CLMP: variants seen among roughly 807,000 people sequenced by gnomAD.
CLMP encodes CXADR-like membrane protein.
Under a neutral mutation model 45.2 loss-of-function variants are expected in CLMP, and 27 were observed. The ratio of observed to expected loss-of-function variants is 0.60; its 90% confidence interval spans 0.44 to 0.82. The LOEUF is 0.82. CLMP is among the 40% of genes least tolerant of loss of function. The probability of loss-of-function intolerance (pLI) is 0.00; values close to 1 mark genes in which losing one functional copy is unlikely to be tolerated. For synonymous variants in CLMP, 167 were observed against 171.4 expected (o/e 0.97, Z 0.20); for missense variants, 403 against 448.4 (o/e 0.90, Z 0.91).
At chr11:123,169,428 C>T (rs1460736580) in intron 1 of CLMP, among the ~76,000 whole-genome samples, 2 of 152,154 alleles carry the variant, frequency 1.3e-5, no homozygotes, top group African/African-American at 2.4e-5. Context: ...TCACCGTGGG[C>T]TCCAGGAGAA....
intron 1 of CLMP, among the ~76,000 whole-genome samples, chr11:123,150,536 C>CGGG (rs1861317884): frequency 2.7e-4 from 15 of 55,788 alleles, no homozygotes; most frequent in African/African-American, 1.1e-3. Flanking sequence ...AGGAAAGAAA[C>CGGG]AAGCAAGGAA....
intron 1 of CLMP, among the ~76,000 whole-genome samples, chr11:123,143,380 A>G (rs193109260): frequency 3.3e-5 from 5 of 152,304 alleles, no homozygotes; most frequent in Admixed American, 3.3e-4. Flanking sequence ...TGAGCTTTCA[A>G]CCAATAGAAT....
rs529877848 is a variant in CLMP, at chr11:123,074,691, G to C, written c.821+11C>G. The C allele has an allele frequency of 4.3e-6, 7 of 1,613,452 alleles. No homozygotes were observed. The highest frequency in any genetic ancestry group is 3.3e-5 in the South Asian group (3 of 91,064). ...AGAAGCCCCGTAAAAGTAGGGATGT[G>C]GGAGGTTTACCGAATTTCATTAGGT... On this transcript the variant is annotated intron_variant, in intron 6 of 6. Transcript: ENST00000448775.
intron 5 of CLMP, among the ~76,000 whole-genome samples, chr11:123,077,565 A>C (rs1472333661): frequency 6.6e-6 from 1 of 152,164 alleles, no homozygotes; most frequent in African/African-American, 2.4e-5. Context: ...CCTGACCTCA[A>C]GTGATCCGCC....
At chr11:123,144,262 T>TTGGTGTTGAGGG (rs1380903595) in intron 1 of CLMP, among the ~76,000 whole-genome samples, 1 of 152,240 alleles carries the variant, frequency 6.6e-6, no homozygotes. Flanking sequence ...ACCAACTTCT[T>TTGGTGTTGAGGG]TGATTTGTGT....
intron 1 of CLMP, among the ~76,000 whole-genome samples, chr11:123,175,371 T>G: frequency 6.6e-6 from 1 of 152,098 alleles, no homozygotes; most frequent in East Asian, 1.9e-4. Context: ...GAGAACTCAC[T>G]CACTATCATG....
intron 1 of CLMP, among the ~76,000 whole-genome samples, chr11:123,122,458 G>C (rs1196658568): frequency 6.6e-6 from 1 of 152,166 alleles, no homozygotes; most frequent in Non-Finnish European, 1.5e-5. Context: ...CTCTAACCCT[G>C]GGACAGATAG....
chr11:123,080,023 G>C (rs1865786502), intron 5 of CLMP, among the ~76,000 whole-genome samples: 1 of 152,208 alleles, frequency 6.6e-6, no homozygotes, highest in Non-Finnish European at 1.5e-5. Context: ...GGTGTTGGAT[G>C]ATCTGCCTCT....
intron 1 of CLMP, among the ~76,000 whole-genome samples, chr11:123,125,372 T>C (rs1860873478): frequency 6.6e-6 from 1 of 151,960 alleles, no homozygotes; most frequent in Non-Finnish European, 1.5e-5. Flanking sequence ...GCCTACAAGA[T>C]CAAGAGGAGA....
chr11:123,073,366 T>G lies in CLMP; in HGVS notation c.*108A>C. ...GTTCCGTGCAATGCTCACTGCTACT[T>G]AGATGACCTCTCATCTGGTTGTGTG... is the stretch of plus-strand genomic sequence containing the variant. On this transcript the variant is annotated 3_prime_UTR_variant, in exon 7 of 7. Transcript: ENST00000448775. 8.2e-7 allele frequency: 1 copy of G among 1,223,884 alleles called. No homozygotes were observed. The highest frequency in any genetic ancestry group is 1.1e-6 in the Non-Finnish European group (1 of 870,720). 75.8% of individuals were successfully genotyped at this position (1,223,884 alleles called of 1,614,324 possible). A position where few individuals can be genotyped will look rare whatever the true frequency, so the allele number is the denominator to read the frequency against.
At chr11:123,144,652 G>A (rs1861212758) in intron 1 of CLMP, among the ~76,000 whole-genome samples, 1 of 152,158 alleles carries the variant, frequency 6.6e-6, no homozygotes, top group Admixed American at 6.6e-5. Context: ...TTACAGGCAT[G>A]AGCCACCACT....
At chr11:123,095,586 A>G (rs751207495) in intron 2 of CLMP, among the ~76,000 whole-genome samples, 1 of 152,208 alleles carries the variant, frequency 6.6e-6, no homozygotes, top group East Asian at 1.9e-4. Flanking sequence ...TGTTAAAGAT[A>G]GTAAAACAGA....
intron 1 of CLMP, among the ~76,000 whole-genome samples, chr11:123,133,955 CACATA>C (rs1861029455): frequency 6.6e-6 from 1 of 152,074 alleles, no homozygotes; most frequent in Admixed American, 6.6e-5. Flanking sequence ...GCTCTCATGT[CACATA>C]AGACTTATAT....
At chr11:123,121,160 G>T (rs569849574) in intron 1 of CLMP, among the ~76,000 whole-genome samples, 5 of 150,678 alleles carry the variant, frequency 3.3e-5, no homozygotes, top group African/African-American at 9.7e-5. Context: ...GTTTGGATAT[G>T]CTGAGAATGA....
At chr11:123,186,562 G>A (rs2135551230) in intron 1 of CLMP, among the ~76,000 whole-genome samples, 1 of 151,214 alleles carries the variant, frequency 6.6e-6, no homozygotes, top group East Asian at 1.9e-4. Flanking sequence ...CTGTCACCCA[G>A]AGGCTGGAAT....
intron 1 of CLMP, among the ~76,000 whole-genome samples, chr11:123,116,884 A>G (rs1177437788): frequency 6.6e-6 from 1 of 152,190 alleles, no homozygotes; most frequent in African/African-American, 2.4e-5. Context: ...TTATTTCCCT[A>G]TGACAAATTC....
intron 1 of CLMP, among the ~76,000 whole-genome samples, chr11:123,124,271 C>T (rs1418972509): frequency 6.6e-6 from 1 of 152,130 alleles, no homozygotes; most frequent in Middle Eastern, 3.2e-3. Flanking sequence ...TTGCTTTGGC[C>T]TCCCAAAGTG....
chr11:123,079,635 C>T (rs1376886458), intron 5 of CLMP, among the ~76,000 whole-genome samples: 3 of 151,842 alleles, frequency 2.0e-5, no homozygotes, highest in African/African-American at 4.8e-5. Context: ...TTAGTAGAGA[C>T]GGGGTTTCAC....
intron 5 of CLMP, among the ~76,000 whole-genome samples, chr11:123,082,354 G>A (rs796392005): frequency 2.0e-5 from 3 of 152,170 alleles, no homozygotes; most frequent in African/African-American, 7.2e-5. Flanking sequence ...TGTTGTCCAG[G>A]CTGGAGTGCA....
Sources: allele counts gnomAD v4.1 joint callset (sites outside exome capture counted in the v4.1 genomes callset), GRCh38; gene constraint gnomAD v4.1.1; transcripts MANE v1.5; gene names NCBI Gene and HGNC (gene_info 2026-07-23, HGNC 2026-07-21).